The following DNAJC12 variants were observed in gnomAD, a reference collection of about 807,000 sequenced individuals.
DNAJC12 encodes the protein dnaJ homolog subfamily C member 12.
DNAJC12 carries 25 observed loss-of-function variants against 28.5 expected under a neutral mutation model. The observed-to-expected ratio is 0.88, with a 90% confidence interval of 0.64 to 1.22. The LOEUF (loss-of-function observed/expected upper bound fraction) is 1.22, where lower values mean the gene tolerates loss of function less well. Among genes scored for constraint, DNAJC12 ranks in the 50% most tolerant of loss-of-function variants. The pLI is 0.00. For synonymous variants in DNAJC12, 77 were observed against 80.6 expected (o/e 0.95, Z 0.24); for missense variants, 222 against 231.7 (o/e 0.96, Z 0.27).
chr10:67,811,164 A>G (rs1471843737), intron 3 of DNAJC12: 1 of 479,186 alleles, frequency 2.1e-6, no homozygotes, highest in Non-Finnish European at 2.8e-6. Flanking sequence ...GACATAAACT[A>G]AAAAGATGGA....
intron 3 of DNAJC12, among the ~76,000 whole-genome samples, chr10:67,808,065 A>C (rs139415203): frequency 1.8e-4 from 28 of 152,258 alleles, no homozygotes; most frequent in African/African-American, 5.8e-4. Context: ...ACAGTTAGAT[A>C]GTCTGCAAAT....
chr10:67,828,279 GTA>G (rs990429152), intron 1 of DNAJC12, among the ~76,000 whole-genome samples: 1 of 152,100 alleles, frequency 6.6e-6, no homozygotes, highest in Non-Finnish European at 1.5e-5. Context: ...GTATGTGTGT[GTA>G]TATATATGTG....
chr10:67,817,682 T>C (rs904111811), intron 2 of DNAJC12, among the ~76,000 whole-genome samples: 1 of 146,268 alleles, frequency 6.8e-6, no homozygotes, highest in Non-Finnish European at 1.5e-5. Flanking sequence ...TTTGAGACCA[T>C]CCTGGCCAAC....
At chr10:67,800,942 A>T (rs1841737150) in intron 4 of DNAJC12, among the ~76,000 whole-genome samples, 1 of 145,194 alleles carries the variant, frequency 6.9e-6, no homozygotes, top group African/African-American at 2.5e-5. Flanking sequence ...GATTCTGTCT[A>T]AAAAAAAAAA....
chr10:67,835,730 A>ACG (rs1167959018), intron 1 of DNAJC12, among the ~76,000 whole-genome samples: 43 of 106,684 alleles, frequency 4.0e-4, no homozygotes, highest in South Asian at 5.9e-4. Context: ...ACACACACAC[A>ACG]CACACACACA....
intron 4 of DNAJC12, 113 bp downstream of exon 4, chr10:67,805,469 AT>A: frequency 8.9e-7 from 1 of 1,120,356 alleles, no homozygotes; most frequent in Non-Finnish European, 1.3e-6. Flanking sequence ...TGATAAACCA[AT>A]CTTTAAACTT....
At chr10:67,802,838 C>T (rs1389587496) in intron 4 of DNAJC12, among the ~76,000 whole-genome samples, 4 of 143,026 alleles carry the variant, frequency 2.8e-5, no homozygotes, top group Non-Finnish European at 4.6e-5. Flanking sequence ...AGTTATTGTG[C>T]GTGTGTGTGT....
At chr10:67,819,660 G>GAAAGAAAGAA (rs1280370710) in intron 2 of DNAJC12, among the ~76,000 whole-genome samples, 2 of 34,904 alleles carry the variant, frequency 5.7e-5, no homozygotes, top group African/African-American at 1.3e-4. Flanking sequence ...AAGAAAGAAA[G>GAAAGAAAGAA]AGAAAGAAAG....
At chr10:67,816,283 A>T (rs568156819) in intron 2 of DNAJC12, 1 of 390,044 alleles carries the variant, frequency 2.6e-6, no homozygotes, top group East Asian at 3.7e-5. Context: ...AAGAAAATAT[A>T]CCAACTGTTA....
intron 2 of DNAJC12, chr10:67,815,970 T>C: frequency 5.0e-6 from 2 of 397,718 alleles, no homozygotes; most frequent in Non-Finnish European, 8.9e-6. Context: ...TTAACAAAAG[T>C]GAGTTTGGGT....
chr10:67,803,795 T>G (rs1395945328), intron 4 of DNAJC12, among the ~76,000 whole-genome samples: 1 of 152,212 alleles, frequency 6.6e-6, no homozygotes, highest in South Asian at 2.1e-4. Flanking sequence ...TAAAACACTG[T>G]TTTTCTACAC....
intron 1 of DNAJC12, among the ~76,000 whole-genome samples, chr10:67,831,088 TGA>T (rs1842089445): frequency 6.6e-6 from 1 of 152,156 alleles, no homozygotes; most frequent in Non-Finnish European, 1.5e-5. Context: ...CTTGGGAGGC[TGA>T]GACACAAGAA....
intron 4 of DNAJC12, among the ~76,000 whole-genome samples, chr10:67,802,646 T>A (rs976439636): frequency 1.3e-5 from 2 of 152,174 alleles, no homozygotes; most frequent in Non-Finnish European, 2.9e-5. Flanking sequence ...GATTCGAATC[T>A]ATATTTTTGT....
intron 1 of DNAJC12, among the ~76,000 whole-genome samples, chr10:67,829,191 A>G (rs1247734297): frequency 6.6e-6 from 1 of 152,158 alleles, no homozygotes; most frequent in Non-Finnish European, 1.5e-5. Flanking sequence ...GAACAGACAC[A>G]CAACTCTCCC....
intron 2 of DNAJC12, among the ~76,000 whole-genome samples, chr10:67,812,962 C>T (rs2131798537): frequency 6.6e-6 from 1 of 152,184 alleles, no homozygotes; most frequent in East Asian, 1.9e-4. Flanking sequence ...GCAGAGCTTA[C>T]AGTGAGCCGA....
At chr10:67,836,461 A>G (rs2131819336) in intron 1 of DNAJC12, among the ~76,000 whole-genome samples, 1 of 152,132 alleles carries the variant, frequency 6.6e-6, no homozygotes, top group African/African-American at 2.4e-5. Flanking sequence ...TTTTAAATCC[A>G]AATTGTCAGC....
chr10:67,817,763 G>A (rs980012576), intron 2 of DNAJC12, among the ~76,000 whole-genome samples: 5 of 151,818 alleles, frequency 3.3e-5, no homozygotes, highest in Admixed American at 1.3e-4. Flanking sequence ...TTATAGCTCC[G>A]GCTACTCAAG....
chr10:67,803,257 T>A (rs1404312207), intron 4 of DNAJC12, among the ~76,000 whole-genome samples: 1 of 152,184 alleles, frequency 6.6e-6, no homozygotes, highest in Non-Finnish European at 1.5e-5. Context: ...TCCAAGGTCA[T>A]ACAACTCATC....
chr10:67,808,245 G>A (rs1489450635), intron 3 of DNAJC12, among the ~76,000 whole-genome samples: 1 of 152,156 alleles, frequency 6.6e-6, no homozygotes, highest in African/African-American at 2.4e-5. Context: ...CTAAGAGAGA[G>A]ACTAGAAAGG....
Sources: gnomAD v4.1 joint callset for allele counts (sites outside exome capture counted in the v4.1 genomes callset) on GRCh38, gnomAD v4.1.1 for gene constraint, MANE v1.5 for transcripts, NCBI Gene and HGNC (gene_info 2026-07-23, HGNC 2026-07-21) for gene names.